Variants in MAP2 observed in about 807,000 individuals in gnomAD.
MAP2 encodes microtubule-associated protein 2.
A neutral mutation model predicts 137.6 loss-of-function variants in MAP2; 14 were observed. The observed-to-expected ratio is 0.10, with a 90% CI of 0.07 to 0.16. The LOEUF (loss-of-function observed/expected upper bound fraction) is 0.16, where lower values mean the gene tolerates loss of function less well. MAP2 is among the 10% of genes least tolerant of loss of function. MAP2 has a pLI of 1.00. For synonymous variants in MAP2, 786 were observed against 782.3 expected (o/e 1.00, Z -0.08); for missense variants, 2,088 against 2,191.5 (o/e 0.95, Z 0.94).
chr2:209,716,799 A>G (rs1276293126), intron 13 of MAP2, among the ~76,000 whole-genome samples: 1 of 152,154 alleles, frequency 6.6e-6, no homozygotes, highest in Non-Finnish European at 1.5e-5. Context: ...ATATAGCACC[A>G]TTTCATTTAA....
chr2:209,579,870 T>C (rs554330110), intron 2 of MAP2, 166 bp from the exon 3 acceptor site: 2 of 152,312 alleles, frequency 1.3e-5, no homozygotes, highest in East Asian at 1.9e-4. Flanking sequence ...TTGAGCTTCC[T>C]AAATATTCAA....
At chr2:209,510,545 C>T (rs1278654361) in intron 2 of MAP2, among the ~76,000 whole-genome samples, 1 of 151,946 alleles carries the variant, frequency 6.6e-6, no homozygotes, top group African/African-American at 2.4e-5. Flanking sequence ...AAATTATATA[C>T]CAATATACAC....
chr2:209,665,655 C>T (rs955751488), intron 5 of MAP2, among the ~76,000 whole-genome samples: 1 of 152,110 alleles, frequency 6.6e-6, no homozygotes, highest in Admixed American at 6.5e-5. Flanking sequence ...CACCAATGCC[C>T]TTTATTTTCT....
intron 2 of MAP2, among the ~76,000 whole-genome samples, chr2:209,552,219 C>G (rs2069333754): frequency 6.6e-6 from 1 of 151,952 alleles, no homozygotes; most frequent in African/African-American, 2.4e-5. Context: ...AAAGACTTAG[C>G]CTTTTAAACT....
At chr2:209,603,870 G>GA (rs1182867794) in intron 3 of MAP2, among the ~76,000 whole-genome samples, 6 of 152,040 alleles carry the variant, frequency 3.9e-5, no homozygotes, top group Non-Finnish European at 8.8e-5. Flanking sequence ...TCTGGTAGGG[G>GA]GAAAAAATGA....
chr2:209,530,399 T>G (rs555919480), intron 2 of MAP2, among the ~76,000 whole-genome samples: 84 of 152,318 alleles, frequency 5.5e-4, no homozygotes, highest in African/African-American at 1.9e-3. Context: ...AGAGAATTGA[T>G]AATGAAGGAC....
At chr2:209,542,969 C>G (rs1431152078) in intron 2 of MAP2, among the ~76,000 whole-genome samples, 1 of 152,132 alleles carries the variant, frequency 6.6e-6, no homozygotes, top group East Asian at 1.9e-4. Flanking sequence ...CATTTGCGTT[C>G]ACAATTTGGC....
chr2:209,471,844 A>G (rs924939818), intron 1 of MAP2, among the ~76,000 whole-genome samples: 2 of 152,156 alleles, frequency 1.3e-5, no homozygotes, highest in East Asian at 3.8e-4. Context: ...CCTGGTCTCT[A>G]TTAGTAGGAA....
chr2:209,561,153 T>C (rs2071967009), intron 2 of MAP2, among the ~76,000 whole-genome samples: 1 of 152,188 alleles, frequency 6.6e-6, no homozygotes, highest in South Asian at 2.1e-4. Context: ...GAAGCTAGGC[T>C]AAAAATAGGG....
chr2:209,676,532 C>T (rs1357569987), intron 5 of MAP2, among the ~76,000 whole-genome samples: 1 of 151,418 alleles, frequency 6.6e-6, no homozygotes, highest in East Asian at 1.9e-4. Flanking sequence ...TACCCCTGAA[C>T]TTAAAAGTTA....
chr2:209,730,227 G>A lies in MAP2; in HGVS notation c.5314G>A (p.Val1772Met), dbSNP rs1363080880. The change falls in exon 16 of 16, where the codon GTG (valine) becomes ATG (methionine). Residue 1772 changes from valine to methionine, a missense_variant. Coordinates refer to ENST00000682079, the MANE Select transcript of MAP2 (RefSeq NM_001375505.1). ...LNFREHAKAR[V>M]DHGAEIITQS... ...CTTCAGAGAGCATGCTAAAGCCCGT[G>A]TGGACCATGGGGCTGAGATCATTAC... is the stretch of plus-strand genomic sequence containing the variant. 6.2e-7 allele frequency: 1 copy of A among 1,613,962 alleles called. No individual in the cohort carries two copies. Among genetic ancestry groups the A allele is most frequent in the Non-Finnish European group, 8.5e-7 (1 of 1,180,000 alleles).
chr2:209,468,297 AT>A (rs1169008707), intron 1 of MAP2, among the ~76,000 whole-genome samples: 1 of 97,280 alleles, frequency 1.0e-5, no homozygotes. Flanking sequence ...CTCATGGAGG[AT>A]TTTTTCAGTT....
intron 12 of MAP2, among the ~76,000 whole-genome samples, 169 bp from the exon 13 acceptor site, chr2:209,709,745 C>T (rs754115827): frequency 6.6e-6 from 1 of 152,028 alleles, no homozygotes; most frequent in Non-Finnish European, 1.5e-5. Context: ...GGGTTATGCA[C>T]CTGATTTCAG....
At chr2:209,582,703 A>ATAGG (rs201714078) in intron 3 of MAP2, among the ~76,000 whole-genome samples, 4 of 148,868 alleles carry the variant, frequency 2.7e-5, no homozygotes, top group African/African-American at 9.8e-5. Flanking sequence ...AGATAGATAG[A>ATAGG]ATATTTTCTG....
chr2:209,453,092 A>C (rs544449385), intron 1 of MAP2, among the ~76,000 whole-genome samples: 2 of 152,260 alleles, frequency 1.3e-5, no homozygotes, highest in South Asian at 2.1e-4. Context: ...GATAGCCAAA[A>C]AGTGATTTCT....
chr2:209,576,730 A>C (rs2075424683), intron 2 of MAP2, among the ~76,000 whole-genome samples: 1 of 152,214 alleles, frequency 6.6e-6, no homozygotes, highest in Non-Finnish European at 1.5e-5. Context: ...AGGGTAAGGC[A>C]AGCATCAGTT....
At chr2:209,654,432 A>T (rs1247599205) in intron 5 of MAP2, among the ~76,000 whole-genome samples, 1 of 152,252 alleles carries the variant, frequency 6.6e-6, no homozygotes, top group Non-Finnish European at 1.5e-5. Flanking sequence ...TTCAATTAGT[A>T]TGAAATTGTG....
At position 209,725,778 on chromosome 2, in the gene MAP2, C is replaced by T. The variant is rs997102637; in HGVS notation, c.5143C>T (p.Arg1715Cys). 13 of 1,592,690 alleles carry T rather than the reference C, an allele frequency of 8.2e-6. No individual in the cohort carries two copies. Among genetic ancestry groups the T allele is most frequent in the Admixed American group, 3.5e-5 (2 of 56,528 alleles). The part of the protein sequence containing the change: ...TSKCGSLKNI[R>C]HRPGGGRVKI... Reference sequence around the variant, plus strand: ...CAAATGTGGCTCTCTGAAGAACATCCGCCACAGGCCAGGTAAATAAATAAT... The same window carrying T: ...CAAATGTGGCTCTCTGAAGAACATCTGCCACAGGCCAGGTAAATAAATAAT... The change falls in exon 14 of 16, where the codon CGC becomes TGC. Residue 1715 changes from arginine to cysteine, a missense_variant. Transcript: ENST00000682079.
At chr2:209,607,147 A>G (rs1450520374) in intron 3 of MAP2, among the ~76,000 whole-genome samples, 1 of 152,182 alleles carries the variant, frequency 6.6e-6, no homozygotes, top group African/African-American at 2.4e-5. Context: ...TCTACTTTCA[A>G]ATACACTTGG....
Sources: allele counts gnomAD v4.1 joint callset (sites outside exome capture counted in the v4.1 genomes callset), GRCh38; gene constraint gnomAD v4.1.1; transcripts MANE v1.5; gene names NCBI Gene and HGNC (gene_info 2026-07-23, HGNC 2026-07-21).